ABCA13: variants seen among roughly 807,000 people sequenced by gnomAD.
ABCA13 encodes ATP-binding cassette sub-family A member 13.
Under a neutral mutation model 478.7 loss-of-function variants are expected in ABCA13, and 476 were observed. The ratio of observed to expected loss-of-function variants is 0.99; its 90% CI spans 0.92 to 1.07. ABCA13 has a LOEUF of 1.07. Among genes scored for constraint, ABCA13 ranks in the 50% least tolerant of loss-of-function variants. The pLI, the probability that ABCA13 is intolerant of heterozygous loss-of-function variation, is 0.00. For missense variants in ABCA13, 6,060 were observed against 5,910.6 expected, an observed-to-expected ratio of 1.03 and a Z score of -0.83; for synonymous variants, 2,252 against 2,158.9, an observed-to-expected ratio of 1.04 and a Z score of -1.20.
In ABCA13 at chr7:48,414,038, C is replaced by A. The variant is rs555025076; in HGVS notation, c.12459+1455C>A. 8.4e-4 allele frequency among the ~76,000 whole-genome samples: 128 copies of A among 152,332 alleles called. 1 individual carries two copies. Among genetic ancestry groups the A allele is most frequent in the African/African-American group, 2.8e-3 (118 of 41,570 alleles). ...ATGCATCATCAGGACTGGAGTCCAT[C>A]CATTCCCACTGCGTTTTAATAGAGC... is the stretch of plus-strand genomic sequence containing the variant. On this transcript the variant is annotated intron_variant, in intron 41 of 61. Transcript: ENST00000435803.
chr7:48,513,590 G>A (rs745598212), intron 51 of ABCA13, among the ~76,000 whole-genome samples: 23 of 152,098 alleles, frequency 1.5e-4, no homozygotes, highest in African/African-American at 4.6e-4. Context: ...ATGGGGAAGC[G>A]GCCGATTTTC....
intron 55 of ABCA13, among the ~76,000 whole-genome samples, chr7:48,543,630 G>C (rs1173892898): frequency 6.7e-6 from 1 of 149,644 alleles, no homozygotes; most frequent in Non-Finnish European, 1.5e-5. Context: ...TCTCAAAAAA[G>C]TAAAAAATAA....
At chr7:48,623,678 G>A (rs1296168784) in intron 59 of ABCA13, among the ~76,000 whole-genome samples, 1 of 152,142 alleles carries the variant, frequency 6.6e-6, no homozygotes, top group Non-Finnish European at 1.5e-5. Flanking sequence ...GCAGAGAAAA[G>A]CAAAAAGAGC....
intron 59 of ABCA13, among the ~76,000 whole-genome samples, chr7:48,621,525 T>C (rs1793133808): frequency 6.6e-6 from 1 of 152,142 alleles, no homozygotes; most frequent in Admixed American, 6.6e-5. Flanking sequence ...TCCTGAAATG[T>C]TTAGGTTTTA....
intron 59 of ABCA13, among the ~76,000 whole-genome samples, chr7:48,618,197 G>A (rs1193166951): frequency 6.6e-6 from 1 of 152,040 alleles, no homozygotes; most frequent in African/African-American, 2.4e-5. Context: ...ACCCTCTGTC[G>A]GTTCAGTCAG....
intron 1 of ABCA13, among the ~76,000 whole-genome samples, chr7:48,174,864 G>A (rs866242509): frequency 1.3e-5 from 2 of 152,170 alleles, no homozygotes; most frequent in Non-Finnish European, 2.9e-5. Context: ...CAGTTCATCA[G>A]TTGTATACAC....
Position 48,643,299 on chromosome 7 carries a change from G to T in ABCA13, c.14849G>T (p.Gly4950Val). Residue 4950 changes from glycine to valine, a missense_variant, in exon 60 of 62, where the codon GGT (glycine) becomes GTT (valine). Physicochemically the swap from Gly to Val is moderately radical, Grantham distance 109. Around this residue, in one of 3 missense-constraint regions of ABCA13, gnomAD observed 1,627 missense variants for 1,571.0 expected, o/e 1.04. Transcript: ENST00000435803. ...TATTTAACTCTCAGGTTTGGTGATG[G>T]TTATACAGTCAAAGTTTGGCTCTGT... ...PQHIKNRFGD[G>V]YTVKVWLCKE... 1.9e-6 allele frequency: 3 copies of T among 1,609,420 alleles called. No homozygotes were observed. Among genetic ancestry groups the T allele is most frequent in the South Asian group, 2.2e-5 (2 of 89,820 alleles).
At chr7:48,282,954 G>C (rs1232722597) in intron 19 of ABCA13, among the ~76,000 whole-genome samples, 1 of 152,214 alleles carries the variant, frequency 6.6e-6, no homozygotes, top group African/African-American at 2.4e-5. Context: ...ATAAGTGCCA[G>C]AAGCTCTTCT....
chr7:48,195,596 A>T (rs1485996255), intron 2 of ABCA13, among the ~76,000 whole-genome samples: 1 of 152,212 alleles, frequency 6.6e-6, no homozygotes, highest in Non-Finnish European at 1.5e-5. Context: ...AGCTGTGCTC[A>T]GCATGACCAT....
intron 56 of ABCA13, among the ~76,000 whole-genome samples, chr7:48,584,466 C>T (rs1309643207): frequency 1.3e-5 from 2 of 152,148 alleles, no homozygotes; most frequent in Non-Finnish European, 2.9e-5. Context: ...TCCAGGTACA[C>T]TTGTTTTCTG....
chr7:48,372,427 T>A lies in ABCA13; in HGVS notation c.11063T>A (p.Ile3688Asn). 1.2e-6 allele frequency: 2 copies of A among 1,613,688 alleles called. No individual in the cohort carries two copies. The highest frequency in any genetic ancestry group is 8.5e-7 in the Non-Finnish European group (1 of 1,179,824). ...AALCTSLVYM[I>N]SFLPYIVLLV... is the part of the protein sequence containing the mutation. ...CTTTGTACCAGCCTGGTGTACATGA[T>A]CAGCTTTCTGCCCTACATAGTTCTA... Residue 3688 changes from isoleucine to asparagine, a missense_variant, in exon 33 of 62, where the codon ATC becomes AAC. This residue lies in a region of ABCA13 where 4,423 missense variants were observed against 4,309.1 expected (regional missense o/e 1.03). Coordinates refer to ENST00000435803, the MANE Select transcript of ABCA13 (RefSeq NM_152701.5).
At chr7:48,185,110 T>C (rs1353348297) in intron 1 of ABCA13, among the ~76,000 whole-genome samples, 2 of 152,196 alleles carry the variant, frequency 1.3e-5, no homozygotes, top group African/African-American at 4.8e-5. Flanking sequence ...AAAGACCTAA[T>C]CTATCCCTGC....
At chr7:48,367,229 A>G (rs1057371853) in intron 31 of ABCA13, among the ~76,000 whole-genome samples, 3 of 152,190 alleles carry the variant, frequency 2.0e-5, no homozygotes, top group East Asian at 1.9e-4. Context: ...TGAGAACTCA[A>G]GAAGGAAAAT....
In ABCA13 at chr7:48,460,775, G is replaced by A. The variant is rs573867660; in HGVS notation, c.12815+5489G>A. On this transcript the variant is annotated intron_variant, in intron 43 of 61. Coordinates refer to ENST00000435803, the MANE Select transcript of ABCA13 (RefSeq NM_152701.5). ...TAAAACTCAAGCTTTTCTGCTATAT[G>A]CAGAAGGATAACAGAAATTAAATTA... is the stretch of plus-strand genomic sequence containing the variant. Among the ~76,000 whole-genome samples, 9 of 152,302 alleles carry A rather than the reference G, an allele frequency of 5.9e-5. No homozygotes were observed. The East Asian group carries it at 1.7e-3, about 29-fold the overall frequency.
intron 42 of ABCA13, among the ~76,000 whole-genome samples, chr7:48,450,153 T>G (rs1824812033): frequency 6.6e-6 from 1 of 152,216 alleles, no homozygotes; most frequent in African/African-American, 2.4e-5. Context: ...TTAACTCATT[T>G]CACAACCTCT....
In ABCA13 at chr7:48,389,211, C is replaced by A; in HGVS notation, c.11645C>A (p.Thr3882Asn). 6.2e-7 allele frequency: 1 copy of A among 1,613,278 alleles called. No individual in the cohort carries two copies. The highest frequency in any genetic ancestry group is 8.5e-7 in the Non-Finnish European group (1 of 1,179,530). The change falls in exon 37 of 62, where the codon ACC (threonine) becomes AAC (asparagine). Residue 3882 changes from threonine to asparagine, a missense_variant. Physicochemically the swap from Thr to Asn is moderately conservative, Grantham distance 65 (BLOSUM62 0). Around this residue, in one of 3 missense-constraint regions of ABCA13, gnomAD observed 1,627 missense variants for 1,571.0 expected, o/e 1.04. Transcript: ENST00000435803. The part of the protein sequence containing the change: ...ALLGTNGAGK[T>N]TIISMLTGLH... ...CTGGGGACAAACGGTGCCGGGAAAA[C>A]CACTATCATGTGGGTCCCATTTTAC...
rs1327415842 is a variant in ABCA13, at chr7:48,275,020, A to C, written c.5354A>C (p.Asn1785Thr). The change falls in exon 17 of 62, where the codon AAT becomes ACT. Residue 1785 changes from asparagine (N) to threonine (T), a missense_variant. Physicochemically the swap from Asn to Thr is moderately conservative, Grantham distance 65 (BLOSUM62 0). Coordinates refer to ENST00000435803, the MANE Select transcript of ABCA13 (RefSeq NM_152701.5). Reference sequence around the variant, plus strand: ...CTCCTTCATGGCATAACCATTTCAAATATCACCAAGGAAGACTTCGCAATT... The same window carrying C: ...CTCCTTCATGGCATAACCATTTCAACTATCACCAAGGAAGACTTCGCAATT... ...FTLLHGITIS[N>T]ITKEDFAIVI... 1 of 1,613,948 alleles carries C rather than the reference A, an allele frequency of 6.2e-7. No homozygotes were observed. The highest frequency in any genetic ancestry group is 1.1e-5 in the South Asian group (1 of 91,074).
chr7:48,389,125 C>A lies in ABCA13; in HGVS notation c.11559C>A (p.Gly3853=). ...TLVSVTKEYE[G]HKAVVQDLSL... Reference sequence around the variant, plus strand: ...TGTCTGTGACCAAGGAATATGAGGGCCACAAGGCTGTGGTCCAAGACCTCA... The same window carrying A: ...TGTCTGTGACCAAGGAATATGAGGGACACAAGGCTGTGGTCCAAGACCTCA... Residue 3853 remains glycine (G), a synonymous_variant, in exon 37 of 62, where the codon GGC becomes GGA. Transcript: ENST00000435803. 6.2e-7 allele frequency: 1 copy of A among 1,613,934 alleles called. No homozygotes were observed. The highest frequency in any genetic ancestry group is 8.5e-7 in the Non-Finnish European group (1 of 1,179,852).
At chr7:48,411,319 C>CTTTTCTT (rs1296464576) in intron 40 of ABCA13, among the ~76,000 whole-genome samples, 2 of 140,490 alleles carry the variant, frequency 1.4e-5, no homozygotes, top group African/African-American at 5.3e-5. Flanking sequence ...CTTTTCTTTT[C>CTTTTCTT]TTTTCTTTCA....
Sources: gnomAD v4.1 joint callset for allele counts (sites outside exome capture counted in the v4.1 genomes callset) on GRCh38, gnomAD v4.1.1 for gene constraint, gnomAD v4.1.1 regional missense constraint, MANE v1.5 for transcripts, NCBI Gene and HGNC (gene_info 2026-07-23, HGNC 2026-07-21) for gene names.